The following DPH6 variants were observed in gnomAD, a reference collection of about 807,000 sequenced individuals.
DPH6 encodes the protein diphthine--ammonia ligase.
Under a neutral mutation model 38.2 loss-of-function variants are expected in DPH6, and 33 were observed. That is an observed-to-expected ratio of 0.86 (90% CI 0.65 to 1.15). The LOEUF is 1.15. DPH6 is among the 50% of genes most tolerant of loss of function. The probability of loss-of-function intolerance (pLI) is 0.00; values close to 1 mark genes in which losing one functional copy is unlikely to be tolerated. For missense variants in DPH6, 325 were observed against 320.0 expected, an observed-to-expected ratio of 1.02 and a Z score of -0.12; for synonymous variants, 108 against 103.0, an observed-to-expected ratio of 1.05 and a Z score of -0.30.
At chr15:35,150,721 TA>T in the DPH6 span, among the ~76,000 whole-genome samples, 2 of 152,082 alleles carry the variant, frequency 1.3e-5, no homozygotes, top group Non-Finnish European at 2.9e-5. Context: ...TGCAAAGTAA[TA>T]AAAACAATCA....
intron 3 of DPH6, among the ~76,000 whole-genome samples, chr15:35,300,323 G>T (rs189736392): frequency 1.8e-4 from 27 of 152,298 alleles, no homozygotes; most frequent in Admixed American, 1.7e-3. Flanking sequence ...ATTCTTAAAA[G>T]ATCATTTTGA....
intron 3 of DPH6, among the ~76,000 whole-genome samples, chr15:35,322,780 T>C (rs1219113566): frequency 6.6e-6 from 1 of 152,148 alleles, no homozygotes; most frequent in African/African-American, 2.4e-5. Context: ...AATTCTCCTC[T>C]ATATCTCTTA....
At chr15:35,523,819 C>T (rs2054959278) in intron 3 of DPH6, among the ~76,000 whole-genome samples, 1 of 152,016 alleles carries the variant, frequency 6.6e-6, no homozygotes, top group Non-Finnish European at 1.5e-5. Context: ...TTGAGAAAAG[C>T]ACTAAGTGTA....
chr15:35,385,387 A>G lies in DPH6; in HGVS notation c.568-3471T>C, dbSNP rs57379824. ...CAACCCAAATGCCCATCAATAATAG[A>G]CTGGATAAAGAAAATGTGGCACATA... On this transcript the variant is annotated intron_variant, in intron 6 of 8. Transcript: ENST00000256538. 0.019 allele frequency among the ~76,000 whole-genome samples: 2,903 copies of G among 152,258 alleles called. 323 individuals carry two copies. In the East Asian group the frequency reaches 0.34, roughly 18 times the overall value.
chr15:35,149,340 C>T, the DPH6 span, among the ~76,000 whole-genome samples: 18 of 152,250 alleles, frequency 1.2e-4, no homozygotes, highest in African/African-American at 3.9e-4. Context: ...CAGGTTCAAG[C>T]GATTCTCCTG....
chr15:35,307,032 T>A (rs1006626053), intron 3 of DPH6, among the ~76,000 whole-genome samples: 4 of 152,134 alleles, frequency 2.6e-5, no homozygotes, highest in African/African-American at 9.7e-5. Context: ...TTTTATAGTA[T>A]GACTGTGCAC....
chr15:35,450,855 T>C, intron 4 of DPH6, 52 bp from the exon 5 acceptor site: 1 of 1,378,678 alleles, frequency 7.3e-7, no homozygotes, highest in South Asian at 1.3e-5. Context: ...TGTTTTATAC[T>C]TGGATCCACA....
At chr15:35,293,768 G>A (rs1465164446) in intron 3 of DPH6, among the ~76,000 whole-genome samples, 1 of 152,226 alleles carries the variant, frequency 6.6e-6, no homozygotes, top group Non-Finnish European at 1.5e-5. Context: ...TGGTGGATGT[G>A]AAAGGAATGT....
chr15:35,301,742 G>C (rs975981066), intron 3 of DPH6, among the ~76,000 whole-genome samples: 2 of 152,172 alleles, frequency 1.3e-5, no homozygotes, highest in African/African-American at 4.8e-5. Context: ...GGAGGCCAAG[G>C]TGGGTGAATC....
chr15:35,146,098 T>C, the DPH6 span, among the ~76,000 whole-genome samples: 1 of 151,876 alleles, frequency 6.6e-6, no homozygotes, highest in African/African-American at 2.4e-5. Flanking sequence ...TGTGTGTGTG[T>C]GTGTGTGTGT....
chr15:35,450,636 G>T, intron 5 of DPH6, 49 bp downstream of exon 5: 2 of 1,417,196 alleles, frequency 1.4e-6, no homozygotes, highest in Non-Finnish European at 2.0e-6. Context: ...AGTGAACTGA[G>T]ATCATCTATG....
chr15:35,475,968 A>G (rs998097536), intron 3 of DPH6, among the ~76,000 whole-genome samples: 3 of 151,892 alleles, frequency 2.0e-5, no homozygotes, highest in African/African-American at 7.2e-5. Flanking sequence ...AAGAACAAAA[A>G]TATTTTTACA....
chr15:35,208,802 A>G, the DPH6 span, among the ~76,000 whole-genome samples: 1 of 152,112 alleles, frequency 6.6e-6, no homozygotes, highest in South Asian at 2.1e-4. Flanking sequence ...AAAAACTTTC[A>G]GGCTGTTTTT....
At chr15:35,278,126 C>T (rs1340046174) in intron 3 of DPH6, among the ~76,000 whole-genome samples, 1 of 152,180 alleles carries the variant, frequency 6.6e-6, no homozygotes, top group African/African-American at 2.4e-5. Flanking sequence ...TCAGAAATCT[C>T]TGAGGCAGCC....
chr15:35,240,722 C>G (rs957239420), intron 3 of DPH6, among the ~76,000 whole-genome samples: 1 of 143,824 alleles, frequency 7.0e-6, no homozygotes, highest in East Asian at 2.2e-4. Flanking sequence ...GTTCATGGCT[C>G]GTTCGGCAGC....
intron 3 of DPH6, among the ~76,000 whole-genome samples, chr15:35,259,547 G>C (rs1481115): frequency 0.63 from 93,057 of 146,844 alleles, 29,956 homozygotes; most frequent in Non-Finnish European, 0.73. Context: ...TCTACATTTC[G>C]TTTTTATATT....
chr15:35,390,959 C>G (rs2053047235), intron 6 of DPH6, among the ~76,000 whole-genome samples: 1 of 152,138 alleles, frequency 6.6e-6, no homozygotes, highest in African/African-American at 2.4e-5. Flanking sequence ...TGTTTTCTCC[C>G]CATCTTTGTG....
chr15:35,372,371 A>G, intron 8 of DPH6, 168 bp from the exon 9 acceptor site: 1 of 481,410 alleles, frequency 2.1e-6, no homozygotes, highest in East Asian at 3.7e-5. Context: ...AAGACCAATC[A>G]AATACCAAAA....
intron 3 of DPH6, among the ~76,000 whole-genome samples, chr15:35,301,945 G>A (rs933434947): frequency 6.6e-6 from 1 of 152,112 alleles, no homozygotes; most frequent in Middle Eastern, 3.2e-3. Flanking sequence ...CTGCACTCGA[G>A]CCTGGGCGGC....
Sources: gnomAD v4.1 joint callset for allele counts (sites outside exome capture counted in the v4.1 genomes callset) on GRCh38, gnomAD v4.1.1 for gene constraint, MANE v1.5 for transcripts, NCBI Gene and HGNC (gene_info 2026-07-23, HGNC 2026-07-21) for gene names.